The following SGCD variants were observed in gnomAD, a reference collection of about 807,000 sequenced individuals.
SGCD encodes the protein delta-sarcoglycan.
SGCD carries 18 observed loss-of-function variants against 36.6 expected under a neutral mutation model. That is an observed-to-expected ratio of 0.49 (90% CI 0.34 to 0.73). The LOEUF (loss-of-function observed/expected upper bound fraction) is 0.73, where lower values mean the gene tolerates loss of function less well. Ranked by LOEUF, SGCD falls within the 30% of genes least tolerant of loss-of-function variation. The pLI, the probability that SGCD is intolerant of heterozygous loss-of-function variation, is 0.01. For synonymous variants in SGCD, 133 were observed against 130.6 expected (o/e 1.02, Z -0.12); for missense variants, 387 against 346.7 (o/e 1.12, Z -0.92).
At chr5:156,674,603 G>A (rs547586310) in intron 7 of SGCD, among the ~76,000 whole-genome samples, 9 of 152,268 alleles carry the variant, frequency 5.9e-5, no homozygotes, top group Middle Eastern at 6.8e-3. Context: ...GATGTGTCAA[G>A]CATCAGAAGG....
intron 3 of SGCD, among the ~76,000 whole-genome samples, chr5:156,377,775 A>C (rs956425226): frequency 6.6e-6 from 1 of 152,192 alleles, no homozygotes; most frequent in African/African-American, 2.4e-5. Flanking sequence ...TTTTTTAAGT[A>C]AAATGGATAG....
intron 6 of SGCD, among the ~76,000 whole-genome samples, chr5:156,642,396 A>G (rs1158796902): frequency 6.6e-6 from 1 of 151,786 alleles, no homozygotes; most frequent in African/African-American, 2.4e-5. Context: ...CCCTGAGCCA[A>G]ACTTTCTCTC....
At chr5:156,683,986 T>C (rs1473695250) in intron 7 of SGCD, among the ~76,000 whole-genome samples, 1 of 152,194 alleles carries the variant, frequency 6.6e-6, no homozygotes, top group African/African-American at 2.4e-5. Context: ...TTTTAACTCA[T>C]ATGTTCACTA....
chr5:156,074,407 A>C (rs1341416018), intron 1 of SGCD, among the ~76,000 whole-genome samples: 1 of 152,196 alleles, frequency 6.6e-6, no homozygotes, highest in Non-Finnish European at 1.5e-5. Flanking sequence ...CTGAAAAAAA[A>C]ATTGCAAAAT....
At chr5:156,715,924 G>A (rs914169641) in intron 7 of SGCD, among the ~76,000 whole-genome samples, 1 of 152,170 alleles carries the variant, frequency 6.6e-6, no homozygotes, top group Non-Finnish European at 1.5e-5. Context: ...AATCCTGCGG[G>A]GCCTCACAGG....
At chr5:156,142,669 G>A (rs1036365318) in intron 3 of SGCD, among the ~76,000 whole-genome samples, 5 of 152,088 alleles carry the variant, frequency 3.3e-5, no homozygotes. Context: ...CTTGTCCTTG[G>A]GATCTGTGGA....
intron 3 of SGCD, among the ~76,000 whole-genome samples, chr5:156,292,079 G>A (rs1289095509): frequency 2.0e-5 from 3 of 151,996 alleles, no homozygotes; most frequent in African/African-American, 7.2e-5. Context: ...GTGTATAAGT[G>A]AGATCTGCAG....
the SGCD span, among the ~76,000 whole-genome samples, chr5:155,845,224 A>G: frequency 3.3e-5 from 5 of 152,218 alleles, no homozygotes; most frequent in African/African-American, 1.2e-4. Flanking sequence ...TGCATGAAGC[A>G]CTTGGCATAG....
chr5:156,158,036 G>A (rs184574620), intron 3 of SGCD, among the ~76,000 whole-genome samples: 2 of 150,504 alleles, frequency 1.3e-5, no homozygotes, highest in African/African-American at 5.0e-5. Flanking sequence ...AAATGAACAG[G>A]AAACTGTGTA....
At chr5:155,845,305 G>A in the SGCD span, 1 of 152,098 alleles carries the variant, frequency 6.6e-6, no homozygotes, top group East Asian at 1.9e-4. Context: ...TGCCTTCCAT[G>A]TCACCTCTGT....
chr5:155,799,610 G>A, the SGCD span, among the ~76,000 whole-genome samples: 13 of 150,016 alleles, frequency 8.7e-5, no homozygotes, highest in African/African-American at 2.9e-4. Context: ...TGGCCAGGCC[G>A]GTCTTGAACT....
At chr5:156,229,300 A>ATATACATACATATATATAT (rs1477607808) in intron 3 of SGCD, among the ~76,000 whole-genome samples, 2 of 126,176 alleles carry the variant, frequency 1.6e-5, no homozygotes, top group Admixed American at 1.7e-4. Flanking sequence ...ATATATATAT[A>ATATACATACATATATATAT]AAATTAGTTC....
chr5:155,896,924 G>A (rs530039291), intron 1 of SGCD, among the ~76,000 whole-genome samples: 3 of 152,292 alleles, frequency 2.0e-5, no homozygotes, highest in Non-Finnish European at 4.4e-5. Context: ...CCTGTAATAT[G>A]TGTGGTTCTT....
intron 3 of SGCD, among the ~76,000 whole-genome samples, chr5:156,271,944 A>G (rs562616448): frequency 6.6e-6 from 1 of 152,348 alleles, no homozygotes; most frequent in East Asian, 1.9e-4. Context: ...AAAAAATCCA[A>G]TGTAAAAAGT....
chr5:156,020,895 CA>C (rs1759081705), intron 1 of SGCD, among the ~76,000 whole-genome samples: 1 of 152,188 alleles, frequency 6.6e-6, no homozygotes, highest in Admixed American at 6.5e-5. Flanking sequence ...TGACCTCTTG[CA>C]CTCGGCTGGC....
At chr5:156,094,406 G>T (rs1170687436) in intron 1 of SGCD, among the ~76,000 whole-genome samples, 1 of 152,140 alleles carries the variant, frequency 6.6e-6, no homozygotes. Flanking sequence ...GCTAAGAGTT[G>T]GTGCCCGCTC....
intron 1 of SGCD, among the ~76,000 whole-genome samples, chr5:155,886,450 G>A (rs910784490): frequency 1.3e-5 from 2 of 152,270 alleles, no homozygotes. Context: ...ACTGGAGAAT[G>A]GGTTTATTTG....
intron 1 of SGCD, among the ~76,000 whole-genome samples, chr5:156,099,361 T>G (rs1761463793): frequency 6.6e-6 from 1 of 152,216 alleles, no homozygotes; most frequent in Non-Finnish European, 1.5e-5. Flanking sequence ...TTTCCCCATA[T>G]CTCATAAACA....
intron 3 of SGCD, among the ~76,000 whole-genome samples, chr5:156,154,657 C>T (rs1431654853): frequency 6.6e-6 from 1 of 151,520 alleles, no homozygotes; most frequent in South Asian, 2.1e-4. Context: ...CCATGGGAGA[C>T]AAAAATTATT....
Sources: allele counts gnomAD v4.1 joint callset (sites outside exome capture counted in the v4.1 genomes callset), GRCh38; gene constraint gnomAD v4.1.1; transcripts MANE v1.5; gene names NCBI Gene and HGNC (gene_info 2026-07-23, HGNC 2026-07-21).